MYD88: variants seen among roughly 807,000 people sequenced by gnomAD.
The protein encoded by MYD88 is MYD88 innate immune signal transduction adaptor.
Under a neutral mutation model 31.1 loss-of-function variants are expected in MYD88, and 15 were observed. The observed-to-expected ratio is 0.48, with a 90% CI of 0.32 to 0.74. The LOEUF (loss-of-function observed/expected upper bound fraction) is 0.74. Among genes scored for constraint, MYD88 ranks in the 30% least tolerant of loss-of-function variants. MYD88 has a pLI of 0.03. For synonymous variants in MYD88, 157 were observed against 158.8 expected (o/e 0.99, Z 0.08); for missense variants, 308 against 387.4 (o/e 0.79, Z 1.72).
chr3:38,140,919 C>G (rs1429232128), intron 4 of MYD88, 71 bp downstream of exon 4: 6 of 1,490,590 alleles, frequency 4.0e-6, no homozygotes, highest in Non-Finnish European at 4.7e-6. Context: ...GTCAGCCTTC[C>G]CTCCCCAAGG....
Position 38,141,383 on chromosome 3 carries a change from T to C in MYD88, c.*97T>C. On this transcript the variant is annotated 3_prime_UTR_variant, in exon 5 of 5. Coordinates refer to ENST00000650905, the MANE Select transcript of MYD88 (RefSeq NM_002468.5). ...TTCGTTGTAGGAGGAATCTGTGCTC[T>C]ACTTACCTCTCAATTCCTGGAGATG... is the stretch of plus-strand genomic sequence containing the variant. The C allele has an allele frequency of 6.6e-7, 1 of 1,517,198 alleles. No individual in the cohort carries two copies. The highest frequency in any genetic ancestry group is 9.1e-7 in the Non-Finnish European group (1 of 1,094,004). The allele number at this position is 1,517,198 out of a possible 1,614,324, so 94.0% of individuals were successfully genotyped here.
At chr3:38,140,707 A>T (rs1347775648) in intron 3 of MYD88, 50 bp from the exon 4 acceptor site, 1 of 1,598,338 alleles carries the variant, frequency 6.3e-7, no homozygotes, top group Non-Finnish European at 8.6e-7. Context: ...CCCAGGGGAT[A>T]TGCTGAACTA....
chr3:38,142,873 C>T lies in MYD88; in HGVS notation c.*1587C>T, dbSNP rs1660101398. 1 of 233,142 alleles carries T rather than the reference C, an allele frequency of 4.3e-6. No homozygotes were observed. The highest frequency in any genetic ancestry group is 2.2e-5 in the African/African-American group (1 of 45,320). The allele number at this position is 233,142 out of a possible 1,614,324, so 14.4% of individuals were successfully genotyped here. On this transcript the variant is annotated 3_prime_UTR_variant, in exon 5 of 5. Transcript: ENST00000650905. ...CCTTTAATACTGGGCATTTTAAAGC[C>T]ATCTCAAGAGGCATCTTCTACATGT...
At chr3:38,141,032 T>C in intron 4 of MYD88, 100 bp from the exon 5 acceptor site, 1 of 1,539,950 alleles carries the variant, frequency 6.5e-7, no homozygotes, top group Non-Finnish European at 9.0e-7. Flanking sequence ...CAGGGGTACT[T>C]AGATGGGGGA....
At position 38,138,888 on chromosome 3, in the gene MYD88, A is replaced by G. The variant is rs1700999181; in HGVS notation, c.188A>G (p.Gln63Arg). The G allele has an allele frequency of 6.2e-7, 1 of 1,613,538 alleles. No homozygotes were observed. Among genetic ancestry groups the G allele is most frequent in the Non-Finnish European group, 8.5e-7 (1 of 1,180,016 alleles). ...EMDFEYLEIR[Q>R]LETQADPTGR... Reference sequence around the variant, plus strand: ...GACTTTGAGTACTTGGAGATCCGGCAACTGGAGACACAAGCGGACCCCACT... The same window carrying G: ...GACTTTGAGTACTTGGAGATCCGGCGACTGGAGACACAAGCGGACCCCACT... The change falls in exon 1 of 5, where the codon CAA becomes CGA. Residue 63 changes from glutamine (Q) to arginine (R), a missense_variant. By Grantham distance (43) the Gln-to-Arg change is conservative (BLOSUM62 1). Transcript: ENST00000650905. This position sits in a 1 kb window ranked among gnomAD's most constrained non-coding sequence, Gnocchi z 6.4.
rs1403162228 is a variant in MYD88, at chr3:38,140,004, G to A, written c.463+6G>A. 1 of 1,613,106 alleles carries A rather than the reference G, an allele frequency of 6.2e-7. No homozygotes were observed. The highest frequency in any genetic ancestry group is 1.3e-5 in the African/African-American group (1 of 74,908). On this transcript the variant is annotated splice_donor_region_variant and intron_variant, in intron 2 of 4. Transcript: ENST00000650905. ...CACACTTGATGACCCCCTGGGTAAG[G>A]GTCCAATACTGTTCCCATGGGACAG...
In MYD88 at chr3:38,142,028, G is replaced by T; in HGVS notation, c.*742G>T. Reference sequence around the variant, plus strand: ...CTTGGGCTGCTTTTCATTTCCACCTGTCAGGATGCCTGTGGTCATGCTCTC... The same window carrying T: ...CTTGGGCTGCTTTTCATTTCCACCTTTCAGGATGCCTGTGGTCATGCTCTC... On this transcript the variant is annotated 3_prime_UTR_variant, in exon 5 of 5. Coordinates refer to ENST00000650905, the MANE Select transcript of MYD88 (RefSeq NM_002468.5). 1 of 235,866 alleles carries T rather than the reference G, an allele frequency of 4.2e-6. No individual in the cohort carries two copies. Among genetic ancestry groups the T allele is most frequent in the Admixed American group, 5.4e-5 (1 of 18,410 alleles). The allele number at this position is 235,866 out of a possible 1,614,324, so 14.6% of individuals were successfully genotyped here.
At chr3:38,141,080 T>TCCCA in intron 4 of MYD88, 52 bp from the exon 5 acceptor site, 1 of 1,613,040 alleles carries the variant, frequency 6.2e-7, no homozygotes, top group Non-Finnish European at 8.5e-7. Flanking sequence ...ACTGGGCTTG[T>TCCCA]CCCACCATGG....
chr3:38,140,586 G>A lies in MYD88; in HGVS notation c.644+18G>A, dbSNP rs753512763. The A allele has an allele frequency of 1.3e-5, 21 of 1,613,950 alleles. No homozygotes were observed. The highest frequency in any genetic ancestry group is 5.0e-5 in the Admixed American group (3 of 60,002). On this transcript the variant is annotated intron_variant, in intron 3 of 4. Coordinates refer to ENST00000650905, the MANE Select transcript of MYD88 (RefSeq NM_002468.5). The stretch of plus-strand genomic sequence containing the variant: ...GAAAAGAGGTTGGCTAGAAGGCCAC[G>A]GGGTGGGTGCGTGGATGCATGAAGC...
chr3:38,139,086 G>A lies in MYD88; in HGVS notation c.328+58G>A, dbSNP rs569923390. The A allele has an allele frequency of 3.8e-5, 59 of 1,560,826 alleles. No homozygotes were observed. In the East Asian group the frequency reaches 7.8e-4, roughly 21 times the overall value. Reference sequence around the variant, plus strand: ...GGGGGTGAGGAGGCTGACTTTCCGCGGCCTCAGCATCCTGTCTCCCATGGA... The same window carrying A: ...GGGGGTGAGGAGGCTGACTTTCCGCAGCCTCAGCATCCTGTCTCCCATGGA... On this transcript the variant is annotated intron_variant, in intron 1 of 4. Transcript: ENST00000650905. The surrounding 1 kb of genome is among the most constrained non-coding windows in gnomAD (Gnocchi z 4.7).
At position 38,139,469 on chromosome 3, in the gene MYD88, G is replaced by A; in HGVS notation, c.329-395G>A. ...GTTGGATACAGCCGCCCACAGACAG[G>A]CACACCTTGCTGAGTTGGAATCACT... On this transcript the variant is annotated intron_variant, in intron 1 of 4. Coordinates refer to ENST00000650905, the MANE Select transcript of MYD88 (RefSeq NM_002468.5). The surrounding 1 kb of genome is among the most constrained non-coding windows in gnomAD (Gnocchi z 4.7). 2 of 399,448 alleles carry A rather than the reference G, an allele frequency of 5.0e-6. 1 individual carries two copies. Among genetic ancestry groups the A allele is most frequent in the South Asian group, 4.8e-5 (2 of 41,886 alleles). 24.7% of individuals were successfully genotyped at this position (399,448 alleles called of 1,614,324 possible). A position where few individuals can be genotyped will look rare whatever the true frequency, so the allele number is the denominator to read the frequency against.
In MYD88 at chr3:38,139,087, G is replaced by A; in HGVS notation, c.328+59G>A. The A allele has an allele frequency of 6.4e-7, 1 of 1,559,280 alleles. No homozygotes were observed. Among genetic ancestry groups the A allele is most frequent in the Non-Finnish European group, 8.6e-7 (1 of 1,158,130 alleles). ...GGGGTGAGGAGGCTGACTTTCCGCG[G>A]CCTCAGCATCCTGTCTCCCATGGAG... On this transcript the variant is annotated intron_variant, in intron 1 of 4. Transcript: ENST00000650905. The surrounding 1 kb of genome is among the most constrained non-coding windows in gnomAD (Gnocchi z 4.7).
At position 38,138,673 on chromosome 3, in the gene MYD88, C is replaced by A. The variant is rs1700983202; in HGVS notation, c.-28C>A. 6.4e-7 allele frequency: 1 copy of A among 1,563,926 alleles called. No individual in the cohort carries two copies. Among genetic ancestry groups the A allele is most frequent in the East Asian group, 2.3e-5 (1 of 44,082 alleles). ...AGCGCTGGCAGACAATGCGACCCGA[C>A]CGCGCTGAGGCTCCAGGACCGCCCG... On this transcript the variant is annotated 5_prime_UTR_variant, in exon 1 of 5. Transcript: ENST00000650905. The surrounding 1 kb of genome is among the most constrained non-coding windows in gnomAD (Gnocchi z 6.4).
rs1337078751 is a variant in MYD88, at chr3:38,139,136, G to T, written c.328+108G>T. 3 of 1,391,194 alleles carry T rather than the reference G, an allele frequency of 2.2e-6. No homozygotes were observed. Among genetic ancestry groups the T allele is most frequent in the Admixed American group, 5.1e-5 (2 of 39,000 alleles). 86.2% of individuals were successfully genotyped at this position (1,391,194 alleles called of 1,614,324 possible). A position where few individuals can be genotyped will look rare whatever the true frequency, so the allele number is the denominator to read the frequency against. ...AGAGACCCCATTTCCTGCCTCGGGG[G>T]CCCGAAGAAGCCTGCAGAGGGAGAA... is the stretch of plus-strand genomic sequence containing the variant. On this transcript the variant is annotated intron_variant, in intron 1 of 4. Coordinates refer to ENST00000650905, the MANE Select transcript of MYD88 (RefSeq NM_002468.5). The surrounding 1 kb of genome is among the most constrained non-coding windows in gnomAD (Gnocchi z 4.7).
At position 38,142,884 on chromosome 3, in the gene MYD88, G is replaced by A. The variant is rs1019578460; in HGVS notation, c.*1598G>A. The A allele has an allele frequency of 4.3e-6, 1 of 233,096 alleles. No individual in the cohort carries two copies. The highest frequency in any genetic ancestry group is 2.2e-5 in the African/African-American group (1 of 45,328). 14.4% of individuals were successfully genotyped at this position (233,096 alleles called of 1,614,324 possible). A position where few individuals can be genotyped will look rare whatever the true frequency, so the allele number is the denominator to read the frequency against. ...GGGCATTTTAAAGCCATCTCAAGAGGCATCTTCTACATGTTTTGTACGCAT... is the reference window on the plus strand; with the variant it reads ...GGGCATTTTAAAGCCATCTCAAGAGACATCTTCTACATGTTTTGTACGCAT... On this transcript the variant is annotated 3_prime_UTR_variant, in exon 5 of 5. Transcript: ENST00000650905.
In MYD88 at chr3:38,142,739, A is replaced by G. The variant is rs140908601; in HGVS notation, c.*1453A>G. ...AATAGAAAATGCATATCTTTGCTCC[A>G]CTTTCAGCCAGGCTGGAGCAAGGTA... On this transcript the variant is annotated 3_prime_UTR_variant, in exon 5 of 5. Coordinates refer to ENST00000650905, the MANE Select transcript of MYD88 (RefSeq NM_002468.5). 395 of 233,196 alleles carry G rather than the reference A, an allele frequency of 1.7e-3. 4 individuals are homozygous for G. Among genetic ancestry groups the G allele is most frequent in the African/African-American group, 7.5e-3 (342 of 45,434 alleles). The allele number at this position is 233,196 out of a possible 1,614,324, so 14.4% of individuals were successfully genotyped here. A position where few individuals can be genotyped will look rare whatever the true frequency, so the allele number is the denominator to read the frequency against.
chr3:38,142,240 T>C lies in MYD88; in HGVS notation c.*954T>C. 4.3e-6 allele frequency: 1 copy of C among 233,258 alleles called. No homozygotes were observed. Among genetic ancestry groups the C allele is most frequent in the East Asian group, 6.0e-5 (1 of 16,582 alleles). The allele number at this position is 233,258 out of a possible 1,614,324, so 14.4% of individuals were successfully genotyped here. ...TATTTGTTTACAAACAGCGACCATA[T>C]AAAAGCCTCCTGCCCCAAAGCTTGT... is the stretch of plus-strand genomic sequence containing the variant. On this transcript the variant is annotated 3_prime_UTR_variant, in exon 5 of 5. Transcript: ENST00000650905.
In MYD88 at chr3:38,140,812, G is replaced by A; in HGVS notation, c.700G>A (p.Asp234Asn). Reference protein sequence around the residue: ...SDDYLQSKECDFQTKFALSLS... With the variant: ...SDDYLQSKECNFQTKFALSLS... ...TGATTACCTGCAGAGCAAGGAATGTGACTTCCAGACCAAATTTGCACTCAG... is the reference window on the plus strand; with the variant it reads ...TGATTACCTGCAGAGCAAGGAATGTAACTTCCAGACCAAATTTGCACTCAG... The change falls in exon 4 of 5, where the codon GAC becomes AAC. Residue 234 changes from aspartate (D) to asparagine (N), a missense_variant. Transcript: ENST00000650905. The A allele has an allele frequency of 6.2e-7, 1 of 1,614,180 alleles. No individual in the cohort carries two copies. Among genetic ancestry groups the A allele is most frequent in the Non-Finnish European group, 8.5e-7 (1 of 1,180,032 alleles).
chr3:38,140,152 G>A, intron 2 of MYD88, 154 bp downstream of exon 2: 1 of 1,059,650 alleles, frequency 9.4e-7, no homozygotes, highest in East Asian at 2.6e-5. Context: ...GGAGATAATA[G>A]TCCTACCTCT....
Sources: gnomAD v4.1 joint callset for allele counts on GRCh38, gnomAD v4.1.1 for gene constraint, Gnocchi (gnomAD v3.1) non-coding constraint, MANE v1.5 for transcripts, NCBI Gene and HGNC (gene_info 2026-07-23, HGNC 2026-07-21) for gene names.